Variants in DSG4 observed in about 807,000 individuals in gnomAD.
DSG4 encodes desmoglein-4.
Under a neutral mutation model 93.1 loss-of-function variants are expected in DSG4, and 87 were observed. The observed-to-expected ratio is 0.93, with a 90% CI of 0.79 to 1.12. The LOEUF (loss-of-function observed/expected upper bound fraction) is 1.12. Among genes scored for constraint, DSG4 ranks in the 50% most tolerant of loss-of-function variants. The pLI is 0.00. For missense variants in DSG4, 1,373 were observed against 1,285.7 expected (o/e 1.07, Z -1.04); for synonymous variants, 432 against 452.9 (o/e 0.95, Z 0.59).
At chr18:31,379,955 C>T (rs1422479047) in intron 1 of DSG4, among the ~76,000 whole-genome samples, 1 of 152,192 alleles carries the variant, frequency 6.6e-6, no homozygotes, top group Admixed American at 6.5e-5. Flanking sequence ...AGAATGTACT[C>T]ATCACCGCAA....
chr18:31,410,875 G>T (rs1427878758), intron 14 of DSG4, among the ~76,000 whole-genome samples: 2 of 152,158 alleles, frequency 1.3e-5, no homozygotes, highest in Non-Finnish European at 2.9e-5. Flanking sequence ...CAATCACGCC[G>T]CTGGCCTTGC....
intron 8 of DSG4, among the ~76,000 whole-genome samples, chr18:31,395,115 T>A (rs2072292012): frequency 6.6e-6 from 1 of 152,164 alleles, no homozygotes; most frequent in South Asian, 2.1e-4. Flanking sequence ...GGCATAGATA[T>A]CATCCAAACA....
chr18:31,411,338 GC>G lies in DSG4; in HGVS notation c.2247del (p.Ala750GlnfsTer66), dbSNP rs768760762. On this transcript the variant is annotated frameshift_variant, in exon 15 of 16. Transcript: ENST00000308128. LOFTEE classifies it high-confidence loss of function. ...GTAVGLMAAG[A>X]AGASGAARKR... ...AGCCGTTGGCCTCATGGCCGCAGGG[GC>G]CGCAGGAGCCTCAGGGGCCGCAAGG... The G allele has an allele frequency of 6.2e-7, 1 of 1,611,110 alleles. No homozygotes were observed. The highest frequency in any genetic ancestry group is 1.7e-5 in the Admixed American group (1 of 59,832).
chr18:31,403,430 A>G lies in DSG4; in HGVS notation c.1432A>G (p.Thr478Ala), dbSNP rs1479362193. 1 of 1,612,734 alleles carries G rather than the reference A, an allele frequency of 6.2e-7. No homozygotes were observed. Among genetic ancestry groups the G allele is most frequent in the Non-Finnish European group, 8.5e-7 (1 of 1,179,378 alleles). Residue 478 changes from threonine to alanine, a missense_variant, in exon 11 of 16, where the codon ACA becomes GCA. By Grantham distance (58) the Thr-to-Ala change is moderately conservative. Coordinates refer to ENST00000308128, the MANE Select transcript of DSG4 (RefSeq NM_177986.5). ...TACTCTTTCAGATGGCTCTGGAAAA[A>G]CAGCTACAGGAACCATATGTATTGA... is the stretch of plus-strand genomic sequence containing the variant. ...ILAIDDGSGKTATGTICIEVP... is the reference protein window; with the variant it reads ...ILAIDDGSGKAATGTICIEVP...
In DSG4 at chr18:31,392,254, T is replaced by G. The variant is rs746863735; in HGVS notation, c.919T>G (p.Tyr307Asp). The G allele has an allele frequency of 4.4e-5, 71 of 1,613,680 alleles. 1 individual carries two copies. Among genetic ancestry groups the G allele is most frequent in the Non-Finnish European group, 5.4e-5 (64 of 1,179,850 alleles). ...EEGTDNWLAQ[Y>D]LILSGNDGNW... The stretch of plus-strand genomic sequence containing the variant: ...AGGCACTGATAACTGGTTGGCTCAA[T>G]ATTTAATTCTCTCTGGAAATGATGG... Residue 307 changes from tyrosine to aspartate, a missense_variant, in exon 8 of 16, where the codon TAT (tyrosine) becomes GAT (aspartate). Physicochemically the swap from Tyr to Asp is radical, Grantham distance 160. Transcript: ENST00000308128.
At chr18:31,388,120 C>G (rs140725468) in intron 3 of DSG4, among the ~76,000 whole-genome samples, 142 of 152,078 alleles carry the variant, frequency 9.3e-4, no homozygotes, top group African/African-American at 3.3e-3. Flanking sequence ...AACCTAGCAC[C>G]AAGTGTGTAT....
intron 14 of DSG4, among the ~76,000 whole-genome samples, chr18:31,410,179 T>C (rs183110674): frequency 1.3e-5 from 2 of 152,278 alleles, no homozygotes; most frequent in Admixed American, 6.5e-5. Flanking sequence ...GCATTTTGGA[T>C]TCTTGATTAT....
rs146841974 is a variant in DSG4, at chr18:31,378,324, G to T, written c.48+1365G>T. ...GTCTTCAATTGAAATAGTAAGTTAT[G>T]AGGATATACCTCTTGTTACTCTTCT... On this transcript the variant is annotated intron_variant, in intron 1 of 15. Transcript: ENST00000308128. Among the ~76,000 whole-genome samples, 35 of 152,288 alleles carry T rather than the reference G, an allele frequency of 2.3e-4. 1 individual carries two copies. The South Asian group carries it at 5.6e-3, about 24-fold the overall frequency.
At chr18:31,391,675 C>T (rs2072251166) in intron 7 of DSG4, among the ~76,000 whole-genome samples, 1 of 148,756 alleles carries the variant, frequency 6.7e-6, no homozygotes, top group Non-Finnish European at 1.5e-5. Flanking sequence ...AAAAAAAAAA[C>T]AAAAAAACAA....
intron 4 of DSG4, 94 bp downstream of exon 4, chr18:31,388,616 A>G (rs1012258317): frequency 2.6e-6 from 4 of 1,526,548 alleles, no homozygotes; most frequent in Non-Finnish European, 2.7e-6. Context: ...CTTTTGATAA[A>G]ACATGGCAGA....
intron 14 of DSG4, among the ~76,000 whole-genome samples, chr18:31,410,241 A>T (rs2144217238): frequency 6.6e-6 from 1 of 152,096 alleles, no homozygotes; most frequent in African/African-American, 2.4e-5. Context: ...AAGACATTTA[A>T]CCTCACTGGG....
At position 31,413,647 on chromosome 18, in the gene DSG4, A is replaced by G; in HGVS notation, c.*52A>G. On this transcript the variant is annotated 3_prime_UTR_variant, in exon 16 of 16. Coordinates refer to ENST00000308128, the MANE Select transcript of DSG4 (RefSeq NM_177986.5). ...GAGACCTTGCACCTTGTAATCATCA[A>G]TACATCCACCAAAAATATATAATGT... The G allele has an allele frequency of 1.3e-6, 2 of 1,588,018 alleles. No individual in the cohort carries two copies. Among genetic ancestry groups the G allele is most frequent in the Non-Finnish European group, 1.7e-6 (2 of 1,165,098 alleles).
At position 31,400,978 on chromosome 18, in the gene DSG4, A is replaced by G; in HGVS notation, c.1375A>G (p.Ile459Val). The change falls in exon 10 of 16, where the codon ATT (isoleucine) becomes GTT (valine). Residue 459 changes from isoleucine (I) to valine (V), a missense_variant. By Grantham distance (29) the Ile-to-Val change is conservative (BLOSUM62 3). Coordinates refer to ENST00000308128, the MANE Select transcript of DSG4 (RefSeq NM_177986.5). ...SREFDKKSKY[I>V]INGIYTAEIL... is the part of the protein sequence containing the mutation. ...AGAATTTGATAAGAAGTCAAAATAT[A>G]TTATCAATGGGATATACACAGCAGA... 3 of 1,611,146 alleles carry G rather than the reference A, an allele frequency of 1.9e-6. No individual in the cohort carries two copies. The highest frequency in any genetic ancestry group is 2.5e-6 in the Non-Finnish European group (3 of 1,177,956).
At position 31,406,082 on chromosome 18, in the gene DSG4, T is replaced by A; in HGVS notation, c.1642T>A (p.Ser548Thr). ...MWDVRSTNATSAILTAKQVLS... is the reference protein window; with the variant it reads ...MWDVRSTNATTAILTAKQVLS... ...TTTCCTCTCTTCCATTTCAGCTACC[T>A]CGGCAATCCTTACGGCTAAGCAGGT... The change falls in exon 12 of 16, where the codon TCG becomes ACG. Residue 548 changes from serine to threonine, a missense_variant. By Grantham distance (58) the Ser-to-Thr change is moderately conservative (BLOSUM62 1). Coordinates refer to ENST00000308128, the MANE Select transcript of DSG4 (RefSeq NM_177986.5). 1 of 1,614,046 alleles carries A rather than the reference T, an allele frequency of 6.2e-7. No homozygotes were observed.
At chr18:31,400,859 G>T in intron 9 of DSG4, 22 bp from the exon 10 acceptor site, 1 of 1,609,860 alleles carries the variant, frequency 6.2e-7, no homozygotes, top group South Asian at 1.1e-5. Flanking sequence ...GCATGATAAC[G>T]AACTTTTTTA....
At position 31,376,800 on chromosome 18, in the gene DSG4, T is replaced by C; in HGVS notation, c.-112T>C. 8.7e-7 allele frequency: 1 copy of C among 1,154,952 alleles called. No homozygotes were observed. The highest frequency in any genetic ancestry group is 1.3e-5 in the South Asian group (1 of 78,806). The allele number at this position is 1,154,952 out of a possible 1,614,324, so 71.5% of individuals were successfully genotyped here. On this transcript the variant is annotated 5_prime_UTR_variant, in exon 1 of 16. Coordinates refer to ENST00000308128, the MANE Select transcript of DSG4 (RefSeq NM_177986.5). ...ATCACCACAGTTATCACCCATGCCC[T>C]CCTAAAAGGGTGTCTCAAAGCATAT... is the stretch of plus-strand genomic sequence containing the variant.
chr18:31,405,871 T>TGAGACTCTGTAC (rs2144208332), intron 11 of DSG4, among the ~76,000 whole-genome samples: 3 of 151,942 alleles, frequency 2.0e-5, no homozygotes, highest in Admixed American at 2.0e-4. Flanking sequence ...GCAATAGGAA[T>TGAGACTCTGTAC]GAGACTCTGT....
rs1360948686 is a variant in DSG4 at position 31,384,038 on chromosome 18, GA to G, written c.49-1090del. 7.9e-5 allele frequency among the ~76,000 whole-genome samples: 12 copies of G among 151,862 alleles called. No individual in the cohort carries two copies. In the South Asian group the frequency reaches 2.1e-3, roughly 26 times the overall value. ...TAAGAATTTAATGACTCTGCTACCAGAAAAAAAATTCCAATGTCATCTATTA... is the reference window on the plus strand; with the variant it reads ...TAAGAATTTAATGACTCTGCTACCAGAAAAAAATTCCAATGTCATCTATTA... On this transcript the variant is annotated intron_variant, in intron 1 of 15. Coordinates refer to ENST00000308128, the MANE Select transcript of DSG4 (RefSeq NM_177986.5).
intron 1 of DSG4, among the ~76,000 whole-genome samples, chr18:31,382,595 G>T (rs1355080642): frequency 6.6e-6 from 1 of 152,118 alleles, no homozygotes; most frequent in East Asian, 1.9e-4. Context: ...ATTAACAGGT[G>T]TTTCCTAGAA....
Sources: gnomAD v4.1 joint callset for allele counts (sites outside exome capture counted in the v4.1 genomes callset) on GRCh38, gnomAD v4.1.1 for gene constraint, MANE v1.5 for transcripts, NCBI Gene and HGNC (gene_info 2026-07-23, HGNC 2026-07-21) for gene names.